Variants in MAP2K4 observed in about 807,000 individuals in gnomAD.
MAP2K4 encodes mitogen-activated protein kinase kinase 4.
MAP2K4 carries 4 observed loss-of-function variants against 48.5 expected under a neutral mutation model. The ratio of observed to expected loss-of-function variants is 0.08; its 90% CI spans 0.04 to 0.19. MAP2K4 has a LOEUF of 0.19. Ranked by LOEUF, MAP2K4 falls within the 10% of genes least tolerant of loss-of-function variation. The pLI, the probability that MAP2K4 is intolerant of heterozygous loss-of-function variation, is 1.00. For synonymous variants in MAP2K4, 166 were observed against 173.1 expected (o/e 0.96, Z 0.32); for missense variants, 258 against 493.3 (o/e 0.52, Z 4.52).
At chr17:12,049,322 A>G (rs1175560743) in intron 1 of MAP2K4, among the ~76,000 whole-genome samples, 1 of 152,184 alleles carries the variant, frequency 6.6e-6, no homozygotes, top group Non-Finnish European at 1.5e-5. Flanking sequence ...TGTACACTGC[A>G]GTTCCAGGTT....
At chr17:12,027,415 C>G (rs1363138506) in intron 1 of MAP2K4, among the ~76,000 whole-genome samples, 1 of 151,928 alleles carries the variant, frequency 6.6e-6, no homozygotes, top group Non-Finnish European at 1.5e-5. Flanking sequence ...TTTCATTTTA[C>G]CCAAAATTGC....
intron 4 of MAP2K4, among the ~76,000 whole-genome samples, chr17:12,099,222 AAAAAC>A (rs1179770461): frequency 6.6e-6 from 1 of 152,092 alleles, no homozygotes. Context: ...ACAAAAAAAA[AAAAAC>A]ATGATTTCAT....
intron 3 of MAP2K4, among the ~76,000 whole-genome samples, chr17:12,086,248 T>G (rs559058987): frequency 6.6e-6 from 1 of 152,194 alleles, no homozygotes; most frequent in Non-Finnish European, 1.5e-5. Context: ...TCATGTGACT[T>G]ACTTAAGGCA....
chr17:12,027,287 A>C (rs1314211850), intron 1 of MAP2K4, among the ~76,000 whole-genome samples: 1 of 152,190 alleles, frequency 6.6e-6, no homozygotes, highest in Non-Finnish European at 1.5e-5. Flanking sequence ...GGCCTTTTGA[A>C]TGAAGAAAAC....
intron 4 of MAP2K4, among the ~76,000 whole-genome samples, chr17:12,099,441 C>G (rs555917820): frequency 2.0e-5 from 3 of 152,132 alleles, no homozygotes; most frequent in Non-Finnish European, 4.4e-5. Context: ...GGTAGTTCCA[C>G]TAATTAGAGA....
intron 4 of MAP2K4, among the ~76,000 whole-genome samples, chr17:12,101,837 C>A (rs973445423): frequency 3.9e-5 from 6 of 152,014 alleles, no homozygotes; most frequent in African/African-American, 1.4e-4. Flanking sequence ...GCACAAATAT[C>A]ATTTGATTTT....
chr17:12,043,199 A>G (rs1171235715), intron 1 of MAP2K4, among the ~76,000 whole-genome samples: 9 of 152,264 alleles, frequency 5.9e-5, no homozygotes, highest in Non-Finnish European at 1.2e-4. Context: ...ATATCTTCCT[A>G]CTTTATCTCT....
At chr17:12,022,564 GTT>G (rs1402448674) in intron 1 of MAP2K4, among the ~76,000 whole-genome samples, 14 of 152,260 alleles carry the variant, frequency 9.2e-5, no homozygotes, top group Non-Finnish European at 2.1e-4. Context: ...TTGTTTGTTT[GTT>G]TTATTGGTGG....
At chr17:12,042,281 C>A (rs767268296) in intron 1 of MAP2K4, among the ~76,000 whole-genome samples, 5 of 148,102 alleles carry the variant, frequency 3.4e-5, no homozygotes, top group Non-Finnish European at 7.4e-5. Context: ...CTTAATTATT[C>A]TTTTGCCTTT....
chr17:12,114,205 A>G (rs1221105315), intron 7 of MAP2K4, among the ~76,000 whole-genome samples: 3 of 152,166 alleles, frequency 2.0e-5, no homozygotes, highest in Non-Finnish European at 4.4e-5. Context: ...ATGTTTTCAA[A>G]CCTAGTGCTA....
At chr17:12,069,445 T>C (rs1041796502) in intron 2 of MAP2K4, among the ~76,000 whole-genome samples, 1 of 152,180 alleles carries the variant, frequency 6.6e-6, no homozygotes, top group African/African-American at 2.4e-5. Flanking sequence ...ATGTTTGTCT[T>C]GTCCTCTTTA....
chr17:12,119,623 G>C (rs895738154), intron 7 of MAP2K4, among the ~76,000 whole-genome samples: 1 of 152,194 alleles, frequency 6.6e-6, no homozygotes, highest in Admixed American at 6.5e-5. Context: ...CAACCCAGCA[G>C]TTCCATTACT....
At chr17:12,104,313 T>G (rs886979649) in intron 4 of MAP2K4, among the ~76,000 whole-genome samples, 1 of 152,146 alleles carries the variant, frequency 6.6e-6, no homozygotes, top group African/African-American at 2.4e-5. Flanking sequence ...GATACCTCTT[T>G]GGCTGCCTTT....
intron 1 of MAP2K4, among the ~76,000 whole-genome samples, chr17:12,049,787 C>A (rs938361146): frequency 6.6e-6 from 1 of 152,158 alleles, no homozygotes; most frequent in Non-Finnish European, 1.5e-5. Context: ...GGGAAATAGA[C>A]CTCACCTATT....
intron 1 of MAP2K4, among the ~76,000 whole-genome samples, chr17:12,048,641 CTTTATTTATT>C (rs1288636639): frequency 1.3e-5 from 2 of 151,890 alleles, no homozygotes; most frequent in African/African-American, 4.8e-5. Flanking sequence ...ATCTCTTTTT[CTTTATTTATT>C]TTTATTTATT....
rs147516558 is a variant in MAP2K4, at chr17:12,065,741, A to G, written c.218+10750A>G. 4.5e-4 allele frequency among the ~76,000 whole-genome samples: 69 copies of G among 152,352 alleles called. No individual in the cohort carries two copies. The East Asian group carries it at 0.013, about 29-fold the overall frequency. ...GAGCCGCCGTGCCTGGCCAGTAACA[A>G]TAAAAATTATAGTGATAGATTTTTT... On this transcript the variant is annotated intron_variant, in intron 2 of 10. Transcript: ENST00000353533.
At position 12,081,029 on chromosome 17, in the gene MAP2K4, C is replaced by T. The variant is rs970447908; in HGVS notation, c.219-327C>T. Among the ~76,000 whole-genome samples the T allele has an allele frequency of 2.0e-5, 3 of 152,118 alleles. No individual in the cohort carries two copies. Among genetic ancestry groups the T allele is most frequent in the Non-Finnish European group, 4.4e-5 (3 of 68,006 alleles). On this transcript the variant is annotated intron_variant, in intron 2 of 10. Transcript: ENST00000353533. This position sits in a 1 kb window ranked among gnomAD's most constrained non-coding sequence, Gnocchi z 4.2. ...TAATGCTGTTTGGATAAACCATCAT[C>T]CAAGTTTGAATAAGATCTTATATTT...
chr17:12,033,983 A>C (rs1597396519), intron 1 of MAP2K4, among the ~76,000 whole-genome samples: 1 of 152,020 alleles, frequency 6.6e-6, no homozygotes, highest in East Asian at 1.9e-4. Flanking sequence ...TAGAAATGGA[A>C]TCTTGCTATG....
At chr17:12,055,993 T>C (rs961139674) in intron 2 of MAP2K4, among the ~76,000 whole-genome samples, 2 of 152,092 alleles carry the variant, frequency 1.3e-5, no homozygotes, top group Non-Finnish European at 2.9e-5. Context: ...CTTTTTACCT[T>C]CTCTGAAACA....
Sources: gnomAD v4.1 joint callset for allele counts (sites outside exome capture counted in the v4.1 genomes callset) on GRCh38, gnomAD v4.1.1 for gene constraint, Gnocchi (gnomAD v3.1) non-coding constraint, MANE v1.5 for transcripts, NCBI Gene and HGNC (gene_info 2026-07-23, HGNC 2026-07-21) for gene names.